OR1J2: variants seen among roughly 807,000 people sequenced by gnomAD.
OR1J2 encodes olfactory receptor 1J2.
For synonymous variants in OR1J2, 142 were observed against 99.7 expected, an observed-to-expected ratio of 1.42 and a Z score of -2.52; for missense variants, 304 against 246.1, an observed-to-expected ratio of 1.24 and a Z score of -1.57.
At chr9:122,555,616 C>G in the OR1J2 span, among the ~76,000 whole-genome samples, 35,877 of 152,126 alleles carry the variant, frequency 0.24, 4,701 homozygotes, top group Middle Eastern at 0.34. Flanking sequence ...ATAAAGATAT[C>G]TACCTCAAGG....
At chr9:122,577,220 C>T in the OR1J2 span, among the ~76,000 whole-genome samples, 55,122 of 152,000 alleles carry the variant, frequency 0.36, 10,447 homozygotes, top group Non-Finnish European at 0.4. Flanking sequence ...TATTCATACA[C>T]TGGTGCCTTA....
the OR1J2 span, among the ~76,000 whole-genome samples, chr9:122,485,023 C>T: frequency 2.0e-5 from 3 of 152,134 alleles, no homozygotes; most frequent in South Asian, 6.2e-4. Flanking sequence ...AGAGTGAGAC[C>T]ATGTTTCAAA....
chr9:122,526,899 G>T, the OR1J2 span: 6 of 1,614,220 alleles, frequency 3.7e-6, no homozygotes, highest in Non-Finnish European at 5.1e-6. Context: ...CCTCATGACT[G>T]TGGAGTAGCA....
chr9:122,497,511 TA>T, the OR1J2 span, among the ~76,000 whole-genome samples: 1 of 152,242 alleles, frequency 6.6e-6, no homozygotes, highest in Non-Finnish European at 1.5e-5. Context: ...GGATTAGTTG[TA>T]ATGTCACCTT....
chr9:122,537,979 T>G, the OR1J2 span, among the ~76,000 whole-genome samples: 110 of 152,334 alleles, frequency 7.2e-4, no homozygotes, highest in East Asian at 0.016. Flanking sequence ...CCTCCTAATG[T>G]CCATGTGGGC....
At chr9:122,520,861 C>A in the OR1J2 span, among the ~76,000 whole-genome samples, 1 of 152,198 alleles carries the variant, frequency 6.6e-6, no homozygotes, top group Non-Finnish European at 1.5e-5. Context: ...CCCAAGTCAT[C>A]TTTTATCTTT....
the OR1J2 span, chr9:122,519,145 A>G: frequency 6.3e-7 from 1 of 1,590,616 alleles, no homozygotes; most frequent in African/African-American, 1.3e-5. Context: ...GTCAGCATGA[A>G]GAGGGAGAAT....
the OR1J2 span, among the ~76,000 whole-genome samples, chr9:122,534,235 T>C: frequency 1.3e-5 from 2 of 152,094 alleles, no homozygotes; most frequent in East Asian, 1.9e-4. Flanking sequence ...GAAGGGGAGG[T>C]TAATTAAGTC....
At chr9:122,459,611 C>T in the OR1J2 span, among the ~76,000 whole-genome samples, 738 of 152,206 alleles carry the variant, frequency 4.8e-3, 22 homozygotes, top group Non-Finnish European at 8.7e-4. Flanking sequence ...GTTCATGCAC[C>T]GCTGGTTGTA....
chr9:122,561,548 T>C, the OR1J2 span, among the ~76,000 whole-genome samples: 1 of 152,046 alleles, frequency 6.6e-6, no homozygotes, highest in East Asian at 1.9e-4. Context: ...GTTCATGCTG[T>C]TGTTGTTTTC....
At chr9:122,464,718 A>G in the OR1J2 span, among the ~76,000 whole-genome samples, 1 of 152,162 alleles carries the variant, frequency 6.6e-6, no homozygotes, top group South Asian at 2.1e-4. Flanking sequence ...TTGGCAATCT[A>G]AGCTTCCATG....
the OR1J2 span, chr9:122,475,758 T>C: frequency 6.6e-6 from 1 of 152,242 alleles, no homozygotes; most frequent in Non-Finnish European, 1.5e-5. Flanking sequence ...CTTCCTGTGA[T>C]CATCAGAACA....
the OR1J2 span, chr9:122,567,684 G>A: frequency 6.2e-7 from 1 of 1,614,000 alleles, no homozygotes; most frequent in African/African-American, 1.3e-5. Flanking sequence ...AGCGTAGGTG[G>A]ATGGGGGCTG....
At chr9:122,477,810 C>T in the OR1J2 span, 29 of 1,613,848 alleles carry the variant, frequency 1.8e-5, no homozygotes, top group Non-Finnish European at 2.5e-5. Context: ...GGTTCCCCAG[C>T]ACCGTGGTCA....
At chr9:122,515,275 G>T (rs1476085882), downstream of OR1J2, among the ~76,000 whole-genome samples, 2 of 151,860 alleles carry the variant, frequency 1.3e-5, no homozygotes, top group Non-Finnish European at 2.9e-5. Context: ...AAGAAGCTGA[G>T]AAACCAGTCC....
At position 122,510,895 on chromosome 9, in the gene OR1J2, C is replaced by T. The variant is rs750151678; in HGVS notation, c.94C>T (p.Leu32=). ...EQQAVFFTLF[L]GMYLTTVLGN... Reference sequence around the variant, plus strand: ...GCAGGCTGTGTTCTTCACCCTGTTCCTGGGCATGTACCTGACCACGGTGCT... The same window carrying T: ...GCAGGCTGTGTTCTTCACCCTGTTCTTGGGCATGTACCTGACCACGGTGCT... Residue 32 remains leucine, a synonymous_variant, in exon 1 of 1, where the codon CTG becomes TTG. Coordinates refer to ENST00000335302, the MANE Select transcript of OR1J2 (RefSeq NM_054107.1). 1 of 1,611,780 alleles carries T rather than the reference C, an allele frequency of 6.2e-7. No homozygotes were observed. The highest frequency in any genetic ancestry group is 1.1e-5 in the South Asian group (1 of 91,020).
downstream of OR1J2, among the ~76,000 whole-genome samples, chr9:122,515,954 G>C (rs1305674195): frequency 6.6e-6 from 1 of 152,130 alleles, no homozygotes; most frequent in African/African-American, 2.4e-5. Context: ...TTGTTCCCTA[G>C]AGGTCTTTGC....
At chr9:122,515,749 G>C (rs755906014), downstream of OR1J2, among the ~76,000 whole-genome samples, 7 of 152,168 alleles carry the variant, frequency 4.6e-5, no homozygotes, top group Non-Finnish European at 8.8e-5. Context: ...TGTTTAGCTA[G>C]AGAGCTTTGG....
chr9:122,468,567 A>G, the OR1J2 span, among the ~76,000 whole-genome samples: 3 of 152,142 alleles, frequency 2.0e-5, no homozygotes, highest in Non-Finnish European at 4.4e-5. Context: ...AAAGGAAGAA[A>G]ATACTTCAGG....
Sources: gnomAD v4.1 joint callset for allele counts (sites outside exome capture counted in the v4.1 genomes callset) on GRCh38, gnomAD v4.1.1 for gene constraint, MANE v1.5 for transcripts, NCBI Gene and HGNC (gene_info 2026-07-23, HGNC 2026-07-21) for gene names.